Variants in CSTF1 observed in about 807,000 individuals in gnomAD.
CSTF1 encodes the protein CF-1 50 kDa subunit.
A neutral mutation model predicts 40.9 loss-of-function variants in CSTF1; 2 were observed. That is an observed-to-expected ratio of 0.05 (90% CI 0.02 to 0.15). The LOEUF (loss-of-function observed/expected upper bound fraction) is 0.15. CSTF1 is among the 10% of genes least tolerant of loss of function. The probability of loss-of-function intolerance (pLI) is 1.00; values close to 1 mark genes in which losing one functional copy is unlikely to be tolerated. For synonymous variants in CSTF1, 218 were observed against 207.2 expected (o/e 1.05, Z -0.45); for missense variants, 279 against 558.9 (o/e 0.50, Z 5.05).
rs1002825360 is a variant in CSTF1, at chr20:56,404,290, T to C, written c.*563T>C. 9 of 152,438 alleles carry C rather than the reference T, an allele frequency of 5.9e-5. No homozygotes were observed. Among genetic ancestry groups the C allele is most frequent in the African/African-American group, 2.2e-4 (9 of 41,466 alleles). The allele number at this position is 152,438 out of a possible 1,614,324, so 9.4% of individuals were successfully genotyped here. A position where few individuals can be genotyped will look rare whatever the true frequency, so the allele number is the denominator to read the frequency against. On this transcript the variant is annotated 3_prime_UTR_variant, in exon 6 of 6. Coordinates refer to ENST00000217109, the MANE Select transcript of CSTF1 (RefSeq NM_001324.3). Reference sequence around the variant, plus strand: ...TATATATTTTTCACTTCTGTAAAATTAATGGCCAGTTTTTCCTGACAATTT... The same window carrying C: ...TATATATTTTTCACTTCTGTAAAATCAATGGCCAGTTTTTCCTGACAATTT...
At chr20:56,403,267 C>T (rs1978546239) in intron 5 of CSTF1, among the ~76,000 whole-genome samples, 1 of 152,044 alleles carries the variant, frequency 6.6e-6, no homozygotes, top group Non-Finnish European at 1.5e-5. Flanking sequence ...CCTCCTTCCT[C>T]AGCCTCCCAA....
intron 1 of CSTF1, among the ~76,000 whole-genome samples, chr20:56,393,199 C>T (rs1987361424): frequency 1.3e-5 from 2 of 151,402 alleles, no homozygotes; most frequent in African/African-American, 2.4e-5. Flanking sequence ...TATGTACACC[C>T]GGGATGTGCT....
intron 5 of CSTF1, among the ~76,000 whole-genome samples, chr20:56,402,504 A>C (rs1978503322): frequency 6.6e-6 from 1 of 152,204 alleles, no homozygotes; most frequent in Admixed American, 6.5e-5. Context: ...TTCCTTTTGG[A>C]AAGTAGATAT....
chr20:56,396,226 C>G (rs1987515084), intron 2 of CSTF1, among the ~76,000 whole-genome samples: 1 of 152,142 alleles, frequency 6.6e-6, no homozygotes. Context: ...GGATCAGGAC[C>G]TTGTATTATT....
At chr20:56,394,127 G>T (rs1987437313) in intron 1 of CSTF1, among the ~76,000 whole-genome samples, 4 of 152,172 alleles carry the variant, frequency 2.6e-5, no homozygotes, top group African/African-American at 9.7e-5. Flanking sequence ...CTCAAGCATA[G>T]ACCTACTATG....
chr20:56,404,477 G>T lies in CSTF1; in HGVS notation c.*750G>T, dbSNP rs1297070862. The T allele has an allele frequency of 6.6e-6, 1 of 152,170 alleles. No individual in the cohort carries two copies. Among genetic ancestry groups the T allele is most frequent in the Non-Finnish European group, 1.5e-5 (1 of 68,038 alleles). 9.4% of individuals were successfully genotyped at this position (152,170 alleles called of 1,614,324 possible). ...GGTCAGCCTGCTATTGCTCTCAGGTGTTGCCTGTCTTCACGAATGATTAGT... is the reference window on the plus strand; with the variant it reads ...GGTCAGCCTGCTATTGCTCTCAGGTTTTGCCTGTCTTCACGAATGATTAGT... On this transcript the variant is annotated 3_prime_UTR_variant, in exon 6 of 6. Coordinates refer to ENST00000217109, the MANE Select transcript of CSTF1 (RefSeq NM_001324.3).
Position 56,397,627 on chromosome 20 carries a change from T to C in CSTF1, c.448-17T>C. ...AGACACATTCTGTGCCTTGAGCATC[T>C]CTTCTTGTTGGTCTAGGTCATGATG... On this transcript the variant is annotated splice_polypyrimidine_tract_variant and intron_variant, in intron 3 of 5. Coordinates refer to ENST00000217109, the MANE Select transcript of CSTF1 (RefSeq NM_001324.3). This position sits in a 1 kb window ranked among gnomAD's most constrained non-coding sequence, Gnocchi z 4.4. 1.2e-6 allele frequency: 2 copies of C among 1,613,076 alleles called. No homozygotes were observed. The highest frequency in any genetic ancestry group is 2.7e-5 in the African/African-American group (2 of 75,014).
Position 56,397,568 on chromosome 20 carries a change from G to A in CSTF1, c.448-76G>A. 6.3e-7 allele frequency: 1 copy of A among 1,597,850 alleles called. No individual in the cohort carries two copies. The highest frequency in any genetic ancestry group is 1.1e-5 in the South Asian group (1 of 90,426). ...GAGAGTATGGTTGAAACCAGCTTTA[G>A]TTTGCTACAGTTGTGGATTGTGCAC... On this transcript the variant is annotated intron_variant, in intron 3 of 5. Coordinates refer to ENST00000217109, the MANE Select transcript of CSTF1 (RefSeq NM_001324.3). The surrounding 1 kb of genome is among the most constrained non-coding windows in gnomAD (Gnocchi z 4.4).
rs781214099 is a variant in CSTF1, at chr20:56,398,969, A to G, written c.648A>G (p.Glu216=). The G allele has an allele frequency of 2.5e-6, 4 of 1,598,456 alleles. No individual in the cohort carries two copies. The highest frequency in any genetic ancestry group is 4.5e-5 in the East Asian group (2 of 44,678). The change falls in exon 5 of 6, where the codon GAA becomes GAG. Residue 216 remains glutamate (E), a splice_region_variant and synonymous_variant. Coordinates refer to ENST00000217109, the MANE Select transcript of CSTF1 (RefSeq NM_001324.3). ...SAKRAFKYIQ[E]AEMLRSISFH... ...TATTAATGTCTCTGTCCCAACAGGA[A>G]GCTGAAATGTTACGTTCCATCTCTT...
At chr20:56,402,363 G>C (rs79007687) in intron 5 of CSTF1, among the ~76,000 whole-genome samples, 1 of 151,342 alleles carries the variant, frequency 6.6e-6, no homozygotes, top group Non-Finnish European at 1.5e-5. Context: ...TAGATATTTC[G>C]AAAGAGTATT....
intron 5 of CSTF1, among the ~76,000 whole-genome samples, chr20:56,402,339 G>A (rs1978495390): frequency 6.6e-6 from 1 of 151,712 alleles, no homozygotes; most frequent in South Asian, 2.1e-4. Context: ...ATTTACAAGT[G>A]AGCACATAAC....
At chr20:56,392,525 C>T (rs972581353), upstream of CSTF1, 1 of 152,294 alleles carries the variant, frequency 6.6e-6, no homozygotes, top group African/African-American at 2.4e-5. Flanking sequence ...GTGAACTAAC[C>T]TTTGAACGTG....
chr20:56,403,419 G>C (rs369871002), intron 5 of CSTF1, 49 bp from the exon 6 acceptor site: 34 of 1,604,458 alleles, frequency 2.1e-5, no homozygotes, highest in Non-Finnish European at 2.7e-5. Context: ...ACGTTCTGAG[G>C]GTCTAAGATG....
At chr20:56,393,115 A>AAAAT (rs1987335520) in intron 1 of CSTF1, among the ~76,000 whole-genome samples, 1 of 78,320 alleles carries the variant, frequency 1.3e-5, no homozygotes, top group Non-Finnish European at 2.8e-5. Flanking sequence ...TGGGCCACTT[A>AAAAT]AAATATATAT....
rs1014234593 is a variant in CSTF1 at position 56,404,162 on chromosome 20, C to G, written c.*435C>G. On this transcript the variant is annotated 3_prime_UTR_variant, in exon 6 of 6. Transcript: ENST00000217109. ...TAAGCAGGCATGCAGCTCTGAGACT[C>G]CTGAGTTTTATGCCATTATCAAAAG... is the stretch of plus-strand genomic sequence containing the variant. 6.4e-6 allele frequency: 1 copy of G among 156,658 alleles called. No individual in the cohort carries two copies. The highest frequency in any genetic ancestry group is 2.4e-5 in the African/African-American group (1 of 41,540). The allele number at this position is 156,658 out of a possible 1,614,324, so 9.7% of individuals were successfully genotyped here.
rs765936258 is a variant in CSTF1, at chr20:56,406,190, G to C, written c.*2463G>C. 4 of 151,970 alleles carry C rather than the reference G, an allele frequency of 2.6e-5. No individual in the cohort carries two copies. The highest frequency in any genetic ancestry group is 5.9e-5 in the Non-Finnish European group (4 of 68,012). 9.4% of individuals were successfully genotyped at this position (151,970 alleles called of 1,614,324 possible). On this transcript the variant is annotated 3_prime_UTR_variant, in exon 6 of 6. Transcript: ENST00000217109. Reference sequence around the variant, plus strand: ...TTAAAGGTCACAGTGTTGTGAGCCTGGTGTAAATGCCAGGAATATTATATG... The same window carrying C: ...TTAAAGGTCACAGTGTTGTGAGCCTCGTGTAAATGCCAGGAATATTATATG...
In CSTF1 at chr20:56,399,477, CCT is replaced by C. The variant is rs897986355; in HGVS notation, c.1036+121_1036+122del. ...ATGCATTGAGCAAGGCAGATGTTACCCTTTCTTAGATAAGAGGAAACCAAGAC... is the reference window on the plus strand; with the variant it reads ...ATGCATTGAGCAAGGCAGATGTTACCTTCTTAGATAAGAGGAAACCAAGAC... On this transcript the variant is annotated intron_variant, in intron 5 of 5. Coordinates refer to ENST00000217109, the MANE Select transcript of CSTF1 (RefSeq NM_001324.3). The surrounding 1 kb of genome is among the most constrained non-coding windows in gnomAD (Gnocchi z 4.6). 2.1e-6 allele frequency: 2 copies of C among 933,006 alleles called. No individual in the cohort carries two copies. The highest frequency in any genetic ancestry group is 3.3e-5 in the African/African-American group (2 of 60,288). The allele number at this position is 933,006 out of a possible 1,614,324, so 57.8% of individuals were successfully genotyped here.
intron 5 of CSTF1, among the ~76,000 whole-genome samples, chr20:56,402,355 G>C (rs974443302): frequency 1.3e-5 from 2 of 151,452 alleles, no homozygotes; most frequent in African/African-American, 2.4e-5. Context: ...ATAACACTTA[G>C]ATATTTCGAA....
At chr20:56,401,147 A>G (rs979252035) in intron 5 of CSTF1, among the ~76,000 whole-genome samples, 6 of 152,248 alleles carry the variant, frequency 3.9e-5, no homozygotes, top group African/African-American at 1.4e-4. Context: ...ATTAAAAACA[A>G]TATAAATAAC....
Sources: allele counts gnomAD v4.1 joint callset (sites outside exome capture counted in the v4.1 genomes callset), GRCh38; gene constraint gnomAD v4.1.1; non-coding constraint Gnocchi (gnomAD v3.1); transcripts MANE v1.5; gene names NCBI Gene and HGNC (gene_info 2026-07-23, HGNC 2026-07-21).